The following CCDC186 variants were observed in gnomAD, a reference collection of about 807,000 sequenced individuals.
CCDC186 encodes coiled-coil domain-containing protein 186.
A neutral mutation model predicts 113.7 loss-of-function variants in CCDC186; 49 were observed. That is an observed-to-expected ratio of 0.43 (90% CI 0.34 to 0.55). The LOEUF (loss-of-function observed/expected upper bound fraction) is 0.55, where lower values mean the gene tolerates loss of function less well. Ranked by LOEUF, CCDC186 falls within the 20% of genes least tolerant of loss-of-function variation. CCDC186 has a pLI of 0.02. For missense variants in CCDC186, 890 were observed against 1,011.1 expected, an observed-to-expected ratio of 0.88 and a Z score of 1.62; for synonymous variants, 355 against 345.8, an observed-to-expected ratio of 1.03 and a Z score of -0.30.
chr10:114,121,212 A>G lies in CCDC186; in HGVS notation c.*3931T>C, dbSNP rs2030711604. The stretch of plus-strand genomic sequence containing the variant: ...CATCTTTGAAAAATTTCAGGTTTCT[A>G]GTGCCACCAACTGGTGTTAATTAAA... On this transcript the variant is annotated 3_prime_UTR_variant, in exon 16 of 16. Coordinates refer to ENST00000369287, the MANE Select transcript of CCDC186 (RefSeq NM_018017.4). 6.6e-6 allele frequency: 1 copy of G among 152,198 alleles called. No homozygotes were observed. Among genetic ancestry groups the G allele is most frequent in the African/African-American group, 2.4e-5 (1 of 41,466 alleles). The allele number at this position is 152,198 out of a possible 1,614,324, so 9.4% of individuals were successfully genotyped here. A position where few individuals can be genotyped will look rare whatever the true frequency, so the allele number is the denominator to read the frequency against.
intron 14 of CCDC186, 151 bp downstream of exon 14, chr10:114,127,310 A>G: frequency 1.4e-6 from 1 of 710,250 alleles, no homozygotes; most frequent in Admixed American, 2.9e-5. Context: ...AACCTAGAAC[A>G]TAATAGGTGA....
intron 1 of CCDC186, among the ~76,000 whole-genome samples, chr10:114,172,137 GA>G (rs147682434): frequency 0.15 from 22,127 of 151,978 alleles, 1,722 homozygotes; most frequent in African/African-American, 0.18. Context: ...TTTACTAAAA[GA>G]AAAAAAATTT....
chr10:114,143,006 C>CTT (rs1042647608), intron 6 of CCDC186, among the ~76,000 whole-genome samples: 3 of 152,310 alleles, frequency 2.0e-5, no homozygotes, highest in African/African-American at 7.2e-5. Context: ...TCTCCTAAGG[C>CTT]TTTTATAGCC....
chr10:114,125,098 T>A lies in CCDC186; in HGVS notation c.*45A>T. ...TCCAACAATAGAGGTCAGTGGCACCTACTCCTGTGTGGCTTTTGTCTCTTT... is the reference window on the plus strand; with the variant it reads ...TCCAACAATAGAGGTCAGTGGCACCAACTCCTGTGTGGCTTTTGTCTCTTT... On this transcript the variant is annotated 3_prime_UTR_variant, in exon 16 of 16. Transcript: ENST00000369287. The A allele has an allele frequency of 1.4e-6, 2 of 1,407,846 alleles. No individual in the cohort carries two copies. Among genetic ancestry groups the A allele is most frequent in the Non-Finnish European group, 2.0e-6 (2 of 1,014,736 alleles). The allele number at this position is 1,407,846 out of a possible 1,614,324, so 87.2% of individuals were successfully genotyped here.
rs2119658254 is a variant in CCDC186 at position 114,122,592 on chromosome 10, C to T, written c.*2551G>A. 6.6e-6 allele frequency: 1 copy of T among 152,208 alleles called. No homozygotes were observed. 9.4% of individuals were successfully genotyped at this position (152,208 alleles called of 1,614,324 possible). A position where few individuals can be genotyped will look rare whatever the true frequency, so the allele number is the denominator to read the frequency against. On this transcript the variant is annotated 3_prime_UTR_variant, in exon 16 of 16. Coordinates refer to ENST00000369287, the MANE Select transcript of CCDC186 (RefSeq NM_018017.4). Reference sequence around the variant, plus strand: ...TAATGAACATATAAAACAAACTTCCCCCCAGGTCTCAGATTTATCCAGATC... The same window carrying T: ...TAATGAACATATAAAACAAACTTCCTCCCAGGTCTCAGATTTATCCAGATC...
chr10:114,151,247 T>C (rs1165903308), intron 3 of CCDC186, 27 bp from the exon 4 acceptor site: 2 of 1,426,894 alleles, frequency 1.4e-6, no homozygotes, highest in Admixed American at 1.8e-5. Flanking sequence ...TTCCAAATTA[T>C]TTTTATAGCT....
chr10:114,137,395 G>T, intron 6 of CCDC186, 105 bp from the exon 7 acceptor site: 1 of 680,718 alleles, frequency 1.5e-6, no homozygotes, highest in South Asian at 1.7e-5. Flanking sequence ...GTCACTGAGG[G>T]GCCGATTATT....
intron 12 of CCDC186, 23 bp downstream of exon 12, chr10:114,131,124 C>A: frequency 6.9e-7 from 1 of 1,442,606 alleles, no homozygotes; most frequent in South Asian, 1.6e-5. Context: ...CATTCATGGT[C>A]TAAGTGTGGA....
chr10:114,148,383 T>C (rs1421091910), intron 4 of CCDC186, among the ~76,000 whole-genome samples: 1 of 152,226 alleles, frequency 6.6e-6, no homozygotes, highest in Non-Finnish European at 1.5e-5. Context: ...GGTCCATTTA[T>C]GGCACAGATA....
intron 6 of CCDC186, among the ~76,000 whole-genome samples, chr10:114,138,917 C>T (rs890928990): frequency 1.3e-5 from 2 of 152,142 alleles, no homozygotes; most frequent in African/African-American, 4.8e-5. Flanking sequence ...TTGGTATCAT[C>T]TCCTCTCAGT....
At position 114,137,300 on chromosome 10, in the gene CCDC186, C is replaced by A; in HGVS notation, c.1222-10G>T. The A allele has an allele frequency of 6.2e-7, 1 of 1,603,514 alleles. No homozygotes were observed. Among genetic ancestry groups the A allele is most frequent in the Non-Finnish European group, 8.5e-7 (1 of 1,171,516 alleles). Reference sequence around the variant, plus strand: ...GTTTATCTTTGGTTTCCTGCATTGACAAAAGACAGAGACACAGTTGGGTAC... The same window carrying A: ...GTTTATCTTTGGTTTCCTGCATTGAAAAAAGACAGAGACACAGTTGGGTAC... On this transcript the variant is annotated splice_polypyrimidine_tract_variant and intron_variant, in intron 6 of 15. Coordinates refer to ENST00000369287, the MANE Select transcript of CCDC186 (RefSeq NM_018017.4).
Position 114,125,914 on chromosome 10 carries a change from T to C in CCDC186, c.2585A>G (p.Asp862Gly). 6.2e-7 allele frequency: 1 copy of C among 1,613,872 alleles called. No individual in the cohort carries two copies. Among genetic ancestry groups the C allele is most frequent in the Non-Finnish European group, 8.5e-7 (1 of 1,179,864 alleles). The change falls in exon 15 of 16, where the codon GAT becomes GGT. Residue 862 changes from aspartate to glycine, a missense_variant. By Grantham distance (94) the Asp-to-Gly change is moderately conservative. Transcript: ENST00000369287. ...INRKLQAVLE[D>G]TLLKNITLKE... ...CAAAGTAATATTTTTTAGTAACGTA[T>C]CCTCCAAAACAGCCTGTAATTTTCG...
At chr10:114,137,096 G>T in intron 7 of CCDC186, 90 bp downstream of exon 7, 1 of 935,886 alleles carries the variant, frequency 1.1e-6, no homozygotes, top group South Asian at 1.5e-5. Flanking sequence ...CAGCCCGGGC[G>T]ACAGAGCGAG....
intron 13 of CCDC186, among the ~76,000 whole-genome samples, chr10:114,128,678 T>A (rs1056453307): frequency 2.6e-5 from 4 of 152,212 alleles, no homozygotes; most frequent in Non-Finnish European, 5.9e-5. Context: ...CTTAGCATGG[T>A]TCTTGGCATT....
intron 4 of CCDC186, among the ~76,000 whole-genome samples, chr10:114,149,533 G>A (rs1284620638): frequency 7.8e-6 from 1 of 127,526 alleles, no homozygotes; most frequent in Non-Finnish European, 1.6e-5. Flanking sequence ...AGGAAGGAAG[G>A]AAAGGGAAGG....
intron 10 of CCDC186, among the ~76,000 whole-genome samples, chr10:114,132,453 G>C (rs1171871135): frequency 6.6e-6 from 1 of 152,100 alleles, no homozygotes; most frequent in Non-Finnish European, 1.5e-5. Flanking sequence ...GCACAGAGTG[G>C]GTTTGCCTAA....
At chr10:114,153,860 A>G (rs1056086984) in intron 3 of CCDC186, among the ~76,000 whole-genome samples, 30 of 151,870 alleles carry the variant, frequency 2.0e-4, no homozygotes, top group African/African-American at 7.3e-4. Context: ...CCAGAAAAAC[A>G]GCAAACTAAA....
At chr10:114,168,625 T>C (rs1442309097) in intron 1 of CCDC186, among the ~76,000 whole-genome samples, 1 of 152,120 alleles carries the variant, frequency 6.6e-6, no homozygotes, top group African/African-American at 2.4e-5. Context: ...CTCAACCCCT[T>C]ATGAGTCATC....
At chr10:114,147,809 C>T (rs2031691825) in intron 4 of CCDC186, among the ~76,000 whole-genome samples, 1 of 152,042 alleles carries the variant, frequency 6.6e-6, no homozygotes, top group Admixed American at 6.6e-5. Context: ...CAAAAAAAGA[C>T]AGTTGTAATA....
Sources: gnomAD v4.1 joint callset for allele counts (sites outside exome capture counted in the v4.1 genomes callset) on GRCh38, gnomAD v4.1.1 for gene constraint, MANE v1.5 for transcripts, NCBI Gene and HGNC (gene_info 2026-07-23, HGNC 2026-07-21) for gene names.